STXBP6: variants seen among roughly 807,000 people sequenced by gnomAD.
STXBP6 encodes syntaxin-binding protein 6.
A neutral mutation model predicts 26.9 loss-of-function variants in STXBP6; 21 were observed. That is an observed-to-expected ratio of 0.78 (90% CI 0.55 to 1.12). STXBP6 has a LOEUF of 1.12. Ranked by LOEUF, STXBP6 falls within the 50% of genes most tolerant of loss-of-function variation. The probability of loss-of-function intolerance (pLI) is 0.00; values close to 1 mark genes in which losing one functional copy is unlikely to be tolerated. For missense variants in STXBP6, 232 were observed against 257.9 expected (o/e 0.90, Z 0.69); for synonymous variants, 97 against 92.6 (o/e 1.05, Z -0.27).
At chr14:24,981,950 A>G (rs2074204352) in intron 1 of STXBP6, among the ~76,000 whole-genome samples, 1 of 152,238 alleles carries the variant, frequency 6.6e-6, no homozygotes, top group African/African-American at 2.4e-5. Context: ...AGGAGGTTAT[A>G]AAACAGAAAA....
At chr14:24,851,648 A>C (rs1209850168) in intron 4 of STXBP6, among the ~76,000 whole-genome samples, 2 of 152,118 alleles carry the variant, frequency 1.3e-5, no homozygotes, top group Non-Finnish European at 2.9e-5. Context: ...ACAGTATAAC[A>C]TCATTTCTGT....
At chr14:24,885,634 C>T (rs1261796280) in intron 2 of STXBP6, among the ~76,000 whole-genome samples, 1 of 152,258 alleles carries the variant, frequency 6.6e-6, no homozygotes, top group Admixed American at 6.5e-5. Context: ...TAACAATCCA[C>T]AGATGAATGA....
At chr14:24,934,183 T>C (rs1348863270) in intron 2 of STXBP6, among the ~76,000 whole-genome samples, 3 of 152,104 alleles carry the variant, frequency 2.0e-5, no homozygotes, top group Non-Finnish European at 2.9e-5. Context: ...TAAAAACAAA[T>C]TGAACTTGTA....
intron 1 of STXBP6, among the ~76,000 whole-genome samples, chr14:25,035,344 C>T (rs539504955): frequency 2.0e-5 from 3 of 152,098 alleles, no homozygotes; most frequent in Non-Finnish European, 2.9e-5. Context: ...AGGATGTGGG[C>T]GGTCCTTTAC....
intron 1 of STXBP6, among the ~76,000 whole-genome samples, chr14:25,003,018 C>T (rs1196866424): frequency 2.6e-5 from 4 of 152,250 alleles, no homozygotes; most frequent in South Asian, 4.1e-4. Flanking sequence ...TGAGCCACCG[C>T]GGCCGGCCTA....
chr14:24,966,379 C>A (rs2073733837), intron 2 of STXBP6, among the ~76,000 whole-genome samples: 1 of 121,806 alleles, frequency 8.2e-6, no homozygotes, highest in Admixed American at 8.1e-5. Context: ...CCAGATCTAG[C>A]CCTGTCTTGG....
intron 1 of STXBP6, among the ~76,000 whole-genome samples, chr14:25,042,621 C>T (rs1472598071): frequency 1.3e-5 from 2 of 152,218 alleles, no homozygotes; most frequent in Admixed American, 1.3e-4. Flanking sequence ...GTTTCACACT[C>T]GGCCCTGTCC....
chr14:24,949,541 G>C (rs2073097031), intron 2 of STXBP6, among the ~76,000 whole-genome samples: 1 of 152,194 alleles, frequency 6.6e-6, no homozygotes, highest in Non-Finnish European at 1.5e-5. Context: ...CAGTGAGAGA[G>C]AGACGCACGG....
intron 1 of STXBP6, among the ~76,000 whole-genome samples, chr14:25,006,424 C>T (rs1255796282): frequency 1.3e-5 from 2 of 152,134 alleles, no homozygotes; most frequent in African/African-American, 4.8e-5. Flanking sequence ...TGTGTGTATA[C>T]ATACATATAT....
rs533718816 is a variant in STXBP6 at position 24,812,363 on chromosome 14, G to A, written c.*346C>T. On this transcript the variant is annotated 3_prime_UTR_variant, in exon 6 of 6. Coordinates refer to ENST00000323944, the MANE Select transcript of STXBP6 (RefSeq NM_001394410.1). ...TACATGTTGCCAGTTTAGACTCAGCGCAGTTTATCATTTGGTCCAAATTTC... is the reference window on the plus strand; with the variant it reads ...TACATGTTGCCAGTTTAGACTCAGCACAGTTTATCATTTGGTCCAAATTTC... 8 of 207,908 alleles carry A rather than the reference G, an allele frequency of 3.8e-5. No homozygotes were observed. The South Asian group carries it at 7.0e-4, about 18-fold the overall frequency. 12.9% of individuals were successfully genotyped at this position (207,908 alleles called of 1,614,324 possible). A position where few individuals can be genotyped will look rare whatever the true frequency, so the allele number is the denominator to read the frequency against.
Position 24,866,439 on chromosome 14 carries a change from G to A in STXBP6, c.155-9282C>T, listed in dbSNP as rs141069105. Among the ~76,000 whole-genome samples the A allele has an allele frequency of 3.1e-3, 476 of 152,068 alleles. 2 individuals are homozygous for A. Among genetic ancestry groups the A allele is most frequent in the African/African-American group, 9.8e-3 (405 of 41,492 alleles). ...TGCATGCATGTATATGTGTATATGC[G>A]TGTGTATATGTGTGTGTATGTATAT... On this transcript the variant is annotated intron_variant, in intron 2 of 5. Coordinates refer to ENST00000323944, the MANE Select transcript of STXBP6 (RefSeq NM_001394410.1).
intron 1 of STXBP6, among the ~76,000 whole-genome samples, chr14:24,975,626 G>T (rs529615957): frequency 1.8e-4 from 28 of 152,296 alleles, no homozygotes; most frequent in African/African-American, 6.5e-4. Context: ...CTGGTTAACT[G>T]GCAGTGGATG....
intron 2 of STXBP6, among the ~76,000 whole-genome samples, chr14:24,920,945 T>C (rs1372735994): frequency 6.6e-6 from 1 of 151,948 alleles, no homozygotes; most frequent in Non-Finnish European, 1.5e-5. Context: ...CAACCCAAGA[T>C]CTAGAAATCT....
At chr14:24,895,314 C>T (rs1232306728) in intron 2 of STXBP6, among the ~76,000 whole-genome samples, 1 of 152,200 alleles carries the variant, frequency 6.6e-6, no homozygotes, top group African/African-American at 2.4e-5. Flanking sequence ...CACTGTTTAT[C>T]CCTGCCTAAT....
chr14:24,880,494 T>C (rs2070319145), intron 2 of STXBP6, among the ~76,000 whole-genome samples: 1 of 152,104 alleles, frequency 6.6e-6, no homozygotes, highest in African/African-American at 2.4e-5. Flanking sequence ...GGGAGGGTCA[T>C]AACCAGGAAA....
At chr14:25,006,060 A>G (rs1208657784) in intron 1 of STXBP6, among the ~76,000 whole-genome samples, 5 of 152,228 alleles carry the variant, frequency 3.3e-5, no homozygotes, top group Non-Finnish European at 5.9e-5. Flanking sequence ...CAAACTCATC[A>G]CTGTCAAAAT....
At position 24,965,361 on chromosome 14, in the gene STXBP6, CTT is replaced by C. The variant is rs2073701723; in HGVS notation, c.154+9302_154+9303del. On this transcript the variant is annotated intron_variant, in intron 2 of 5. Transcript: ENST00000323944. ...CTTTTTGCTGTTGTCTTATAAATGT[CTT>C]GAGTCTGTTCCTGAGAGGCAGACTT... Among the ~76,000 whole-genome samples the C allele has an allele frequency of 2.3e-5, 3 of 127,708 alleles. No individual in the cohort carries two copies. The South Asian group carries it at 7.3e-4, about 31-fold the overall frequency. 83.8% of individuals were successfully genotyped at this position (127,708 alleles called of 152,430 possible). A position where few individuals can be genotyped will look rare whatever the true frequency, so the allele number is the denominator to read the frequency against.
chr14:24,909,273 C>G (rs915174505), intron 2 of STXBP6, among the ~76,000 whole-genome samples: 1 of 152,226 alleles, frequency 6.6e-6, no homozygotes, highest in Non-Finnish European at 1.5e-5. Context: ...CACAGGGGCA[C>G]TCCAGCCCCA....
chr14:25,024,287 T>C (rs980689217), intron 1 of STXBP6, among the ~76,000 whole-genome samples: 1 of 151,740 alleles, frequency 6.6e-6, no homozygotes, highest in Admixed American at 6.6e-5. Context: ...CCAGCCTGGG[T>C]GACAGAGTGA....
Sources: gnomAD v4.1 joint callset for allele counts (sites outside exome capture counted in the v4.1 genomes callset) on GRCh38, gnomAD v4.1.1 for gene constraint, MANE v1.5 for transcripts, NCBI Gene and HGNC (gene_info 2026-07-23, HGNC 2026-07-21) for gene names.